Variants in SLC25A46 observed in about 807,000 individuals in gnomAD.
The protein encoded by SLC25A46 is mitochondrial outer membrane protein SLC25A46.
SLC25A46 carries 39 observed loss-of-function variants against 44.6 expected under a neutral mutation model. The ratio of observed to expected loss-of-function variants is 0.87; its 90% CI spans 0.68 to 1.14. The LOEUF is 1.14. Among genes scored for constraint, SLC25A46 ranks in the 50% most tolerant of loss-of-function variants. The probability of loss-of-function intolerance (pLI) is 0.00; values close to 1 mark genes in which losing one functional copy is unlikely to be tolerated. For missense variants in SLC25A46, 547 were observed against 522.7 expected (o/e 1.05, Z -0.45); for synonymous variants, 202 against 185.8 (o/e 1.09, Z -0.71).
At chr5:110,746,232 AT>A in intron 3 of SLC25A46, 36 bp from the exon 4 acceptor site, 1 of 1,457,340 alleles carries the variant, frequency 6.9e-7, no homozygotes, top group Non-Finnish European at 9.4e-7. Context: ...TTGACAAAAC[AT>A]TAACAGAAAA....
intron 7 of SLC25A46, chr5:110,757,055 T>G (rs1225869778): frequency 4.3e-6 from 1 of 233,652 alleles, no homozygotes; most frequent in African/African-American, 2.3e-5. Flanking sequence ...TCTATAAACT[T>G]TTTAAGGCCC....
chr5:110,747,199 G>T (rs768304225), intron 4 of SLC25A46, among the ~76,000 whole-genome samples: 5 of 152,072 alleles, frequency 3.3e-5, no homozygotes, highest in African/African-American at 4.8e-5. Context: ...ATAATAGACT[G>T]GAAATGATTA....
chr5:110,745,589 T>C (rs538508347), intron 3 of SLC25A46: 1 of 152,326 alleles, frequency 6.6e-6, no homozygotes, highest in Non-Finnish European at 1.5e-5. Flanking sequence ...TAATGCTTCC[T>C]GTATTTGTTA....
chr5:110,741,775 G>A (rs1799696037), intron 1 of SLC25A46: 1 of 287,508 alleles, frequency 3.5e-6, no homozygotes, highest in Non-Finnish European at 6.4e-6. Context: ...CAAAACCCTG[G>A]GCCCACACTC....
At chr5:110,748,916 C>T (rs1348155704) in intron 5 of SLC25A46, among the ~76,000 whole-genome samples, 1 of 151,886 alleles carries the variant, frequency 6.6e-6, no homozygotes, top group African/African-American at 2.4e-5. Context: ...GAATGTGTTT[C>T]TTTTTTTAAT....
intron 2 of SLC25A46, 75 bp downstream of exon 2, chr5:110,742,164 A>T (rs1160154633): frequency 2.0e-6 from 2 of 1,010,460 alleles, no homozygotes; most frequent in East Asian, 5.7e-5. Flanking sequence ...ACAATATTAA[A>T]TGATTATTAT....
At position 110,739,209 on chromosome 5, in the gene SLC25A46, A is replaced by T. The variant is rs1193706629; in HGVS notation, c.90A>T (p.Ala30=). 1 of 1,568,862 alleles carries T rather than the reference A, an allele frequency of 6.4e-7. No homozygotes were observed. Among genetic ancestry groups the T allele is most frequent in the East Asian group, 2.3e-5 (1 of 42,714 alleles). ...DEQGFGGAFP[A]RSFSTGSDLG... ...AGGGCTTTGGCGGCGCCTTCCCTGC[A>T]AGGTCCTTCAGCACCGGGTCGGACC... The change falls in exon 1 of 8, where the codon GCA becomes GCT. Residue 30 remains alanine, a synonymous_variant. Coordinates refer to ENST00000355943, the MANE Select transcript of SLC25A46 (RefSeq NM_138773.4).
upstream of SLC25A46, chr5:110,738,151 C>A: frequency 8.6e-7 from 1 of 1,156,340 alleles, no homozygotes; most frequent in South Asian, 1.4e-5. Flanking sequence ...TCCTGGGCTT[C>A]CAACGAGTTG....
Position 110,755,502 on chromosome 5 carries a change from G to T in SLC25A46, c.601G>T (p.Glu201Ter). The T allele has an allele frequency of 6.4e-7, 1 of 1,572,256 alleles. No homozygotes were observed. Among genetic ancestry groups the T allele is most frequent in the South Asian group, 1.2e-5 (1 of 83,426 alleles). The change falls in exon 6 of 8, where the codon GAA (glutamate) becomes TAA (stop). Residue 201 changes from glutamate to a stop codon, truncating the protein, a stop_gained. Transcript: ENST00000355943. LOFTEE classifies it high-confidence loss of function. ...TAAATGGAGTCCTAAACAAATAGGA[G>T]AACACCTTCTACTGAAATCGTAAGT... The part of the protein sequence containing the change: ...LHKWSPKQIG[E>*]HLLLKSLTYV...
chr5:110,762,507 A>AAGAT lies in SLC25A46; in HGVS notation c.*727_*730dup, dbSNP rs1800282166. 6.6e-6 allele frequency: 1 copy of AAGAT among 151,706 alleles called. No individual in the cohort carries two copies. Among genetic ancestry groups the AAGAT allele is most frequent in the South Asian group, 2.1e-4 (1 of 4,816 alleles). The allele number at this position is 151,706 out of a possible 1,614,324, so 9.4% of individuals were successfully genotyped here. A position where few individuals can be genotyped will look rare whatever the true frequency, so the allele number is the denominator to read the frequency against. On this transcript the variant is annotated 3_prime_UTR_variant, in exon 8 of 8. Coordinates refer to ENST00000355943, the MANE Select transcript of SLC25A46 (RefSeq NM_138773.4). ...AAATATCAAAAACCAAGGTACCCAAAAGATACAAGTCAGAGACAACATCCT... is the reference window on the plus strand; with the variant it reads ...AAATATCAAAAACCAAGGTACCCAAAAGATAGATACAAGTCAGAGACAACATCCT...
intron 3 of SLC25A46, chr5:110,745,668 G>A (rs943437976): frequency 2.0e-5 from 3 of 152,218 alleles, no homozygotes; most frequent in African/African-American, 7.2e-5. Flanking sequence ...TGAAAAGTAT[G>A]TATACAGAAA....
upstream of SLC25A46, chr5:110,738,234 G>T: frequency 7.8e-7 from 1 of 1,287,358 alleles, no homozygotes; most frequent in Non-Finnish European, 1.0e-6. Flanking sequence ...AGCCCGTGGA[G>T]CTAATGAAAA....
At chr5:110,757,818 C>T (rs1800154704) in intron 7 of SLC25A46, among the ~76,000 whole-genome samples, 1 of 152,064 alleles carries the variant, frequency 6.6e-6, no homozygotes, top group Non-Finnish European at 1.5e-5. Flanking sequence ...GGAAAAACAA[C>T]TAAGCAGAAT....
chr5:110,756,863 T>TA, intron 7 of SLC25A46, 104 bp downstream of exon 7: 13 of 617,500 alleles, frequency 2.1e-5, no homozygotes, highest in Non-Finnish European at 3.1e-5. Context: ...TTTAAGACTA[T>TA]GTCTTAAAAT....
rs368775334 is a variant in SLC25A46, at chr5:110,743,764, A to C, written c.361A>C (p.Ile121Leu). 6.2e-7 allele frequency: 1 copy of C among 1,606,788 alleles called. No homozygotes were observed. Among genetic ancestry groups the C allele is most frequent in the Non-Finnish European group, 8.5e-7 (1 of 1,175,522 alleles). ...FTENVLAHPC[I>L]VLRRQCQVNY... is the part of the protein sequence containing the mutation. ...AGAAAATGTATTGGCACATCCTTGC[A>C]TTGTTCTACGCCGCCAATGTCAGGT... The change falls in exon 3 of 8, where the codon ATT (isoleucine) becomes CTT (leucine). Residue 121 changes from isoleucine to leucine, a missense_variant. Ile to Leu is a conservative substitution (Grantham distance 5). Coordinates refer to ENST00000355943, the MANE Select transcript of SLC25A46 (RefSeq NM_138773.4).
upstream of SLC25A46, chr5:110,738,309 C>G: frequency 2.5e-6 from 3 of 1,216,982 alleles, no homozygotes; most frequent in Non-Finnish European, 3.2e-6. Flanking sequence ...CAATTTTGAA[C>G]GATATAACTG....
chr5:110,751,156 G>A (rs573017880), intron 5 of SLC25A46, among the ~76,000 whole-genome samples: 25 of 152,186 alleles, frequency 1.6e-4, no homozygotes, highest in Admixed American at 4.6e-4. Flanking sequence ...TACTTACTAT[G>A]TGCCAGGTTC....
In SLC25A46 at chr5:110,748,184, G is replaced by T. The variant is rs769121313; in HGVS notation, c.484G>T (p.Gly162Ter). The change falls in exon 5 of 8, where the codon GGA becomes TGA. Residue 162 changes from glycine (G) to a stop codon, truncating the protein, a stop_gained. Coordinates refer to ENST00000355943, the MANE Select transcript of SLC25A46 (RefSeq NM_138773.4). LOFTEE classifies it high-confidence loss of function. ...TTAGGGACCTAGAGCCCTGTGGAAA[G>T]GAATGGGAAGTACATTTATTGTCCA... ...KTQGPRALWK[G>*]MGSTFIVQGV... is the part of the protein sequence containing the mutation. 1 of 1,613,322 alleles carries T rather than the reference G, an allele frequency of 6.2e-7. No homozygotes were observed. Among genetic ancestry groups the T allele is most frequent in the South Asian group, 1.1e-5 (1 of 91,042 alleles).
chr5:110,757,993 A>G (rs1800157782), intron 7 of SLC25A46, among the ~76,000 whole-genome samples: 1 of 152,130 alleles, frequency 6.6e-6, no homozygotes, highest in African/African-American at 2.4e-5. Context: ...TGAATGAGTT[A>G]TTTATATAAG....
Sources: gnomAD v4.1 joint callset for allele counts (sites outside exome capture counted in the v4.1 genomes callset) on GRCh38, gnomAD v4.1.1 for gene constraint, MANE v1.5 for transcripts, NCBI Gene and HGNC (gene_info 2026-07-23, HGNC 2026-07-21) for gene names.